The following CDH17 variants were observed in gnomAD, a reference collection of about 807,000 sequenced individuals.
CDH17 encodes cadherin-17.
Under a neutral mutation model 86.3 loss-of-function variants are expected in CDH17, and 67 were observed. That is an observed-to-expected ratio of 0.78 (90% confidence interval 0.64 to 0.95). CDH17 has a LOEUF of 0.95. Among genes scored for constraint, CDH17 ranks in the 40% least tolerant of loss-of-function variants. The probability of loss-of-function intolerance (pLI) is 0.00; values close to 1 mark genes in which losing one functional copy is unlikely to be tolerated. For missense variants in CDH17, 993 were observed against 1,017.6 expected (o/e 0.98, Z 0.33); for synonymous variants, 367 against 366.4 (o/e 1.00, Z -0.02).
At chr8:94,208,989 A>T (rs935423671), upstream of CDH17, among the ~76,000 whole-genome samples, 3 of 152,222 alleles carry the variant, frequency 2.0e-5, no homozygotes, top group African/African-American at 7.2e-5. Context: ...GAGCAATGAC[A>T]CAGTTCATTG....
At chr8:94,186,388 A>T (rs1813581419) in intron 3 of CDH17, among the ~76,000 whole-genome samples, 1 of 152,148 alleles carries the variant, frequency 6.6e-6, no homozygotes, top group African/African-American at 2.4e-5. Flanking sequence ...TATCGCTCAT[A>T]GTTCTGAAGG....
chr8:94,163,779 G>T (rs1040468617), intron 10 of CDH17, among the ~76,000 whole-genome samples: 3 of 152,188 alleles, frequency 2.0e-5, no homozygotes. Flanking sequence ...CAACCAAGTG[G>T]ATATTGATTG....
At chr8:94,179,791 A>T (rs1813443341) in intron 3 of CDH17, among the ~76,000 whole-genome samples, 1 of 152,238 alleles carries the variant, frequency 6.6e-6, no homozygotes, top group African/African-American at 2.4e-5. Context: ...TACAGACTTT[A>T]CAGAATTCAT....
chr8:94,142,911 T>C (rs555614461), intron 15 of CDH17, among the ~76,000 whole-genome samples: 1 of 152,334 alleles, frequency 6.6e-6, no homozygotes, highest in Admixed American at 6.5e-5. Context: ...CACTGAAGTC[T>C]TGAACCCCTC....
intron 14 of CDH17, 33 bp downstream of exon 14, chr8:94,148,709 TCC>T (rs1812795332): frequency 6.8e-7 from 1 of 1,468,678 alleles, no homozygotes; most frequent in South Asian, 1.4e-5. Context: ...TAATCTGTGT[TCC>T]TTTTTTTTTG....
In CDH17 at chr8:94,127,506, CTTTTA is replaced by C. The variant is rs1213234404; in HGVS notation, c.*729_*733del. 6.6e-6 allele frequency: 1 copy of C among 152,168 alleles called. No individual in the cohort carries two copies. Among genetic ancestry groups the C allele is most frequent in the Non-Finnish European group, 1.5e-5 (1 of 68,016 alleles). The allele number at this position is 152,168 out of a possible 1,614,324, so 9.4% of individuals were successfully genotyped here. On this transcript the variant is annotated 3_prime_UTR_variant, in exon 18 of 18. Coordinates refer to ENST00000027335, the MANE Select transcript of CDH17 (RefSeq NM_004063.4). ...GTTAATACTAAGGGAAAAGGCTGTT[CTTTTA>C]TTTATTTATTTTTCCTGAGTCCTCA...
intron 15 of CDH17, among the ~76,000 whole-genome samples, chr8:94,142,815 G>C (rs1003177094): frequency 6.6e-6 from 1 of 152,184 alleles, no homozygotes; most frequent in Non-Finnish European, 1.5e-5. Flanking sequence ...TTGATCATGA[G>C]AGTGCAGCAA....
intron 1 of CDH17, among the ~76,000 whole-genome samples, chr8:94,200,532 CTTTTGTTT>C (rs1170602416): frequency 0.016 from 823 of 50,192 alleles, 45 homozygotes; most frequent in African/African-American, 0.06. Flanking sequence ...TTATTATTAT[CTTTTGTTT>C]TTTTTTTTTT....
rs1186694814 is a variant in CDH17, at chr8:94,201,824, A to G, written c.-21+6659T>C. The G allele has an allele frequency of 5.2e-5, 8 of 153,582 alleles. No individual in the cohort carries two copies. The East Asian group carries it at 1.5e-3, about 29-fold the overall frequency. 9.5% of individuals were successfully genotyped at this position (153,582 alleles called of 1,614,324 possible). On this transcript the variant is annotated intron_variant, in intron 1 of 17. Coordinates refer to ENST00000027335, the MANE Select transcript of CDH17 (RefSeq NM_004063.4). ...CAGCAGCCCACCCAAGGCTTCCTTG[A>G]TTCTCCCACCAGGCTCCAAGCTCCC...
At position 94,127,964 on chromosome 8, in the gene CDH17, G is replaced by T; in HGVS notation, c.*276C>A. On this transcript the variant is annotated 3_prime_UTR_variant, in exon 18 of 18. Coordinates refer to ENST00000027335, the MANE Select transcript of CDH17 (RefSeq NM_004063.4). ...AAAAATTAGCTGGGCATGGTGGTGG[G>T]TGCCTGTAAACCCAGCTACTTAGGA... is the stretch of plus-strand genomic sequence containing the variant. 1 of 308,862 alleles carries T rather than the reference G, an allele frequency of 3.2e-6. No individual in the cohort carries two copies. The highest frequency in any genetic ancestry group is 6.0e-6 in the Non-Finnish European group (1 of 166,282). The allele number at this position is 308,862 out of a possible 1,614,324, so 19.1% of individuals were successfully genotyped here. A position where few individuals can be genotyped will look rare whatever the true frequency, so the allele number is the denominator to read the frequency against.
chr8:94,152,390 A>T (rs1812872800), intron 12 of CDH17, among the ~76,000 whole-genome samples: 1 of 152,108 alleles, frequency 6.6e-6, no homozygotes, highest in Non-Finnish European at 1.5e-5. Flanking sequence ...TTTTTTTATT[A>T]TTTTTTATTT....
At chr8:94,200,172 T>G (rs562016289) in intron 1 of CDH17, among the ~76,000 whole-genome samples, 45 of 152,238 alleles carry the variant, frequency 3.0e-4, no homozygotes, top group African/African-American at 1.1e-3. Flanking sequence ...CTCAAACAGG[T>G]CCCACCTACA....
At chr8:94,165,019 C>T (rs530249991) in intron 10 of CDH17, among the ~76,000 whole-genome samples, 9 of 152,326 alleles carry the variant, frequency 5.9e-5, no homozygotes, top group African/African-American at 2.2e-4. Flanking sequence ...TAAGATAGAA[C>T]TTTCCGAAAG....
chr8:94,191,701 G>A (rs936816870), intron 2 of CDH17, among the ~76,000 whole-genome samples: 5 of 152,036 alleles, frequency 3.3e-5, no homozygotes, highest in Admixed American at 6.6e-5. Flanking sequence ...TGATCCACCC[G>A]CCTCAGCCTC....
chr8:94,173,722 CT>C, intron 7 of CDH17, 74 bp downstream of exon 7: 1 of 1,065,788 alleles, frequency 9.4e-7, no homozygotes. Flanking sequence ...TCAGTGAAGA[CT>C]GTGAGGGTGG....
chr8:94,174,187 C>G lies in CDH17; in HGVS notation c.498G>C (p.Gln166His). The G allele has an allele frequency of 6.2e-7, 1 of 1,613,400 alleles. No homozygotes were observed. The highest frequency in any genetic ancestry group is 8.5e-7 in the Non-Finnish European group (1 of 1,179,792). Residue 166 changes from glutamine (Q) to histidine (H), a missense_variant, in exon 6 of 18, where the codon CAG becomes CAC. Physicochemically the swap from Gln to His is conservative, Grantham distance 24. Coordinates refer to ENST00000027335, the MANE Select transcript of CDH17 (RefSeq NM_004063.4). Reference sequence around the variant, plus strand: ...TGATCATGGGAAGCTGGATGACAATCTGGTAATAAAGCTGGCCATTGGGAG... The same window carrying G: ...TGATCATGGGAAGCTGGATGACAATGTGGTAATAAAGCTGGCCATTGGGAG... ...PATPNGQLYY[Q>H]IVIQLPMINN...
At chr8:94,185,206 A>C (rs914611079) in intron 3 of CDH17, among the ~76,000 whole-genome samples, 11 of 151,674 alleles carry the variant, frequency 7.3e-5, no homozygotes, top group Non-Finnish European at 1.0e-4. Flanking sequence ...AGCTTCTGTG[A>C]TTCTAAAAAG....
Position 94,148,631 on chromosome 8 carries a change from A to G in CDH17, c.1927+113T>C, listed in dbSNP as rs943129229. 6.7e-6 allele frequency: 4 copies of G among 593,326 alleles called. No homozygotes were observed. The African/African-American group carries it at 8.3e-5, about 12-fold the overall frequency. 36.8% of individuals were successfully genotyped at this position (593,326 alleles called of 1,614,324 possible). A position where few individuals can be genotyped will look rare whatever the true frequency, so the allele number is the denominator to read the frequency against. ...CTCATCCTTCCACTTTAAGGTTGTGATATTCTGGTGTTTTGGCCCTGTCAG... is the reference window on the plus strand; with the variant it reads ...CTCATCCTTCCACTTTAAGGTTGTGGTATTCTGGTGTTTTGGCCCTGTCAG... On this transcript the variant is annotated intron_variant, in intron 14 of 17. Coordinates refer to ENST00000027335, the MANE Select transcript of CDH17 (RefSeq NM_004063.4).
chr8:94,202,915 G>T, intron 1 of CDH17: 1 of 295,004 alleles, frequency 3.4e-6, no homozygotes, highest in South Asian at 3.3e-5. Flanking sequence ...TTCCTCCAAT[G>T]AGGACAGGAT....
Sources: allele counts gnomAD v4.1 joint callset (sites outside exome capture counted in the v4.1 genomes callset), GRCh38; gene constraint gnomAD v4.1.1; transcripts MANE v1.5; gene names NCBI Gene and HGNC (gene_info 2026-07-23, HGNC 2026-07-21).